SEPTIN9: variants seen among roughly 807,000 people sequenced by gnomAD.
SEPTIN9 encodes septin 9.
SEPTIN9 carries 13 observed loss-of-function variants against 56.6 expected under a neutral mutation model. The observed-to-expected ratio is 0.23, with a 90% CI of 0.15 to 0.37. SEPTIN9 has a LOEUF of 0.37. Among genes scored for constraint, SEPTIN9 ranks in the 10% least tolerant of loss-of-function variants. SEPTIN9 has a pLI of 1.00. For synonymous variants in SEPTIN9, 332 were observed against 334.1 expected, an observed-to-expected ratio of 0.99 and a Z score of 0.07; for missense variants, 650 against 823.1, an observed-to-expected ratio of 0.79 and a Z score of 2.57.
intron 2 of SEPTIN9, among the ~76,000 whole-genome samples, chr17:77,366,361 C>T (rs747674235): frequency 6.6e-6 from 1 of 152,124 alleles, no homozygotes; most frequent in African/African-American, 2.4e-5. Context: ...GTAGGAGGAA[C>T]GCTCTGGTCA....
At position 77,500,568 on chromosome 17, in the gene SEPTIN9, A is replaced by G. The variant is rs2040454703; in HGVS notation, c.*1910A>G. 5.2e-6 allele frequency: 1 copy of G among 190,724 alleles called. No individual in the cohort carries two copies. Among genetic ancestry groups the G allele is most frequent in the African/African-American group, 2.3e-5 (1 of 42,854 alleles). 11.8% of individuals were successfully genotyped at this position (190,724 alleles called of 1,614,324 possible). ...AAGTGTTGAAAATGTATTTCCTGAAATAAATGTTTCAAATGCAGAAACCCA... is the reference window on the plus strand; with the variant it reads ...AAGTGTTGAAAATGTATTTCCTGAAGTAAATGTTTCAAATGCAGAAACCCA... On this transcript the variant is annotated 3_prime_UTR_variant, in exon 12 of 12. Coordinates refer to ENST00000427177, the MANE Select transcript of SEPTIN9 (RefSeq NM_001113491.2).
intron 2 of SEPTIN9, among the ~76,000 whole-genome samples, chr17:77,345,364 A>C: frequency 6.6e-6 from 1 of 152,192 alleles, no homozygotes; most frequent in Non-Finnish European, 1.5e-5. Context: ...AGCAGTTACT[A>C]CCACTGGGGT....
At chr17:77,415,238 C>T (rs377417877) in intron 3 of SEPTIN9, among the ~76,000 whole-genome samples, 1 of 152,142 alleles carries the variant, frequency 6.6e-6, no homozygotes, top group Non-Finnish European at 1.5e-5. Flanking sequence ...CCTCTGGGCG[C>T]AGCAGGCAGA....
At chr17:77,460,545 G>A (rs1440516161) in intron 3 of SEPTIN9, among the ~76,000 whole-genome samples, 1 of 152,186 alleles carries the variant, frequency 6.6e-6, no homozygotes, top group East Asian at 1.9e-4. Context: ...TGGCGTGGCT[G>A]GGGTTTGGGA....
intron 1 of SEPTIN9, among the ~76,000 whole-genome samples, chr17:77,289,947 C>T (rs1004884286): frequency 1.2e-4 from 18 of 152,232 alleles, no homozygotes; most frequent in East Asian, 1.9e-4. Context: ...TTATGAAAGG[C>T]GTATATTTTC....
rs2039223080 is a variant in SEPTIN9, at chr17:77,476,592, C to T, written c.722-5552C>T. Among the ~76,000 whole-genome samples, 1 of 152,218 alleles carries T rather than the reference C, an allele frequency of 6.6e-6. No individual in the cohort carries two copies. Among genetic ancestry groups the T allele is most frequent in the African/African-American group, 2.4e-5 (1 of 41,456 alleles). On this transcript the variant is annotated intron_variant, in intron 3 of 11. Coordinates refer to ENST00000427177, the MANE Select transcript of SEPTIN9 (RefSeq NM_001113491.2). This position sits in a 1 kb window ranked among gnomAD's most constrained non-coding sequence, Gnocchi z 6.0. Reference sequence around the variant, plus strand: ...CCTGCGGGGAGGAGGGAGCTGGTCCCCAGGATGAGCAGATTTGGGGGCAGT... The same window carrying T: ...CCTGCGGGGAGGAGGGAGCTGGTCCTCAGGATGAGCAGATTTGGGGGCAGT...
chr17:77,372,454 A>G (rs1401281124), intron 2 of SEPTIN9, among the ~76,000 whole-genome samples: 1 of 152,032 alleles, frequency 6.6e-6, no homozygotes, highest in African/African-American at 2.4e-5. Context: ...GCCTCAGGTT[A>G]GGGCCCAGAA....
At chr17:77,428,603 G>A (rs1399818884) in intron 3 of SEPTIN9, among the ~76,000 whole-genome samples, 3 of 152,202 alleles carry the variant, frequency 2.0e-5, no homozygotes, top group African/African-American at 4.8e-5. Context: ...GCTGTGCGGC[G>A]GCATCCTCAT....
chr17:77,340,129 CTTTTTTGT>C (rs751810851), intron 2 of SEPTIN9, among the ~76,000 whole-genome samples: 9 of 150,732 alleles, frequency 6.0e-5, no homozygotes, highest in South Asian at 4.2e-4. Context: ...GTGCTTGGCC[CTTTTTTGT>C]TTTTTTGTTT....
In SEPTIN9 at chr17:77,475,970, A is replaced by G. The variant is rs2039197589; in HGVS notation, c.722-6174A>G. On this transcript the variant is annotated intron_variant, in intron 3 of 11. Coordinates refer to ENST00000427177, the MANE Select transcript of SEPTIN9 (RefSeq NM_001113491.2). The surrounding 1 kb of genome is among the most constrained non-coding windows in gnomAD (Gnocchi z 4.6). ...CAGGTGTGGGTTGGGTTTGGGGAAG[A>G]CAGGGGAATGGCATTGACTTGACCC... 2.0e-6 allele frequency: 3 copies of G among 1,519,384 alleles called. No individual in the cohort carries two copies. The South Asian group carries it at 3.7e-5, about 19-fold the overall frequency. 94.1% of individuals were successfully genotyped at this position (1,519,384 alleles called of 1,614,324 possible).
In SEPTIN9 at chr17:77,389,904, C is replaced by G. The variant is rs964567095; in HGVS notation, c.77-12155C>G. Among the ~76,000 whole-genome samples the G allele has an allele frequency of 3.3e-5, 5 of 152,180 alleles. No individual in the cohort carries two copies. Among genetic ancestry groups the G allele is most frequent in the African/African-American group, 9.7e-5 (4 of 41,432 alleles). On this transcript the variant is annotated intron_variant, in intron 2 of 11. Coordinates refer to ENST00000427177, the MANE Select transcript of SEPTIN9 (RefSeq NM_001113491.2). The surrounding 1 kb of genome is among the most constrained non-coding windows in gnomAD (Gnocchi z 4.3). ...CACATCTGAGAGTGTGCCAGAGGTG[C>G]TCCCATTCCCATAGCTGATTTAGTA...
chr17:77,290,406 C>T (rs1203233680), intron 1 of SEPTIN9, among the ~76,000 whole-genome samples: 3 of 151,852 alleles, frequency 2.0e-5, no homozygotes, highest in South Asian at 2.1e-4. Context: ...TACAGGCACC[C>T]GCCCCCACGC....
rs1411311183 is a variant in SEPTIN9 at position 77,482,126 on chromosome 17, C to G, written c.722-18C>G. 1.3e-6 allele frequency: 2 copies of G among 1,549,636 alleles called. No homozygotes were observed. Among genetic ancestry groups the G allele is most frequent in the Non-Finnish European group, 1.7e-6 (2 of 1,148,008 alleles). On this transcript the variant is annotated intron_variant, in intron 3 of 11. Coordinates refer to ENST00000427177, the MANE Select transcript of SEPTIN9 (RefSeq NM_001113491.2). ...GAGCCCCTGTTCCGCTCTAACTCCT[C>G]TGCTGTTCCTTCCCCAGCCACTGAG...
chr17:77,475,236 A>AT lies in SEPTIN9; in HGVS notation c.722-6906dup. ...GTGGTGAGAGGAAACCGCACACATC[A>AT]TTATTCAGTTACCATCGTGGGGAGA... On this transcript the variant is annotated intron_variant, in intron 3 of 11. Transcript: ENST00000427177. The surrounding 1 kb of genome is among the most constrained non-coding windows in gnomAD (Gnocchi z 4.6). The AT allele has an allele frequency of 2.3e-6, 3 of 1,332,856 alleles. No homozygotes were observed. Among genetic ancestry groups the AT allele is most frequent in the Non-Finnish European group, 2.9e-6 (3 of 1,040,176 alleles). The allele number at this position is 1,332,856 out of a possible 1,614,324, so 82.6% of individuals were successfully genotyped here. A position where few individuals can be genotyped will look rare whatever the true frequency, so the allele number is the denominator to read the frequency against.
Position 77,389,714 on chromosome 17 carries a change from A to AC in SEPTIN9, c.77-12342dup. 6.9e-6 allele frequency among the ~76,000 whole-genome samples: 1 copy of AC among 145,944 alleles called. No homozygotes were observed. Among genetic ancestry groups the AC allele is most frequent in the African/African-American group, 2.5e-5 (1 of 39,972 alleles). On this transcript the variant is annotated intron_variant, in intron 2 of 11. Transcript: ENST00000427177. The surrounding 1 kb of genome is among the most constrained non-coding windows in gnomAD (Gnocchi z 4.3). ...GGGACGGAGGGTGGGCGGCCCTCCC[A>AC]CCCAGGCCCTGGCGGCCCCACCCCA...
At chr17:77,460,814 G>A (rs2038438273) in intron 3 of SEPTIN9, among the ~76,000 whole-genome samples, 1 of 152,188 alleles carries the variant, frequency 6.6e-6, no homozygotes, top group Non-Finnish European at 1.5e-5. Context: ...TGTTTGGGAG[G>A]CAGGTTTTCC....
At chr17:77,395,476 C>T (rs951330531) in intron 2 of SEPTIN9, among the ~76,000 whole-genome samples, 3 of 150,906 alleles carry the variant, frequency 2.0e-5, no homozygotes. Context: ...TTGCGGTGAG[C>T]CGAGATTGCG....
chr17:77,493,731 T>C (rs1270854408), intron 10 of SEPTIN9, among the ~76,000 whole-genome samples: 1 of 151,664 alleles, frequency 6.6e-6, no homozygotes, highest in Non-Finnish European at 1.5e-5. Flanking sequence ...CACAGGGCCT[T>C]CTTCCCTGTG....
chr17:77,417,381 C>T (rs558022727), intron 3 of SEPTIN9, among the ~76,000 whole-genome samples: 1 of 152,264 alleles, frequency 6.6e-6, no homozygotes, highest in Admixed American at 6.5e-5. Context: ...TTGGGTGACA[C>T]CTGTGGACAG....
Sources: gnomAD v4.1 joint callset for allele counts (sites outside exome capture counted in the v4.1 genomes callset) on GRCh38, gnomAD v4.1.1 for gene constraint, Gnocchi (gnomAD v3.1) non-coding constraint, MANE v1.5 for transcripts, NCBI Gene and HGNC (gene_info 2026-07-23, HGNC 2026-07-21) for gene names.